The following RFTN2 variants were observed in gnomAD, a reference collection of about 807,000 sequenced individuals.
RFTN2 encodes raftlin-2.
In RFTN2, 34 loss-of-function variants were observed where a neutral mutation model predicts 52.7. That is an observed-to-expected ratio of 0.64 (90% confidence interval 0.49 to 0.86). RFTN2 has a LOEUF of 0.86. RFTN2 is among the 40% of genes least tolerant of loss of function. The pLI is 0.00. For missense variants in RFTN2, 536 were observed against 600.1 expected (o/e 0.89, Z 1.12); for synonymous variants, 203 against 217.7 (o/e 0.93, Z 0.59).
At chr2:197,618,427 G>C (rs1227492506) in intron 5 of RFTN2, among the ~76,000 whole-genome samples, 2 of 151,924 alleles carry the variant, frequency 1.3e-5, no homozygotes, top group Non-Finnish European at 2.9e-5. Flanking sequence ...GCATGATCTC[G>C]GCTCGCTACA....
chr2:197,582,850 C>A (rs2087532316), intron 8 of RFTN2, among the ~76,000 whole-genome samples: 1 of 152,150 alleles, frequency 6.6e-6, no homozygotes, highest in Admixed American at 6.6e-5. Context: ...TCGCTCAGGG[C>A]TATGCTTATG....
At chr2:197,591,142 C>T (rs1475329490) in intron 8 of RFTN2, among the ~76,000 whole-genome samples, 3 of 152,132 alleles carry the variant, frequency 2.0e-5, no homozygotes, top group Non-Finnish European at 4.4e-5. Flanking sequence ...TCCACCTTCC[C>T]CACTAGATTA....
chr2:197,626,523 C>T (rs1350950872), intron 5 of RFTN2, among the ~76,000 whole-genome samples: 2 of 149,178 alleles, frequency 1.3e-5, no homozygotes, highest in Non-Finnish European at 3.0e-5. Context: ...ATGATTGTGC[C>T]CTTGCACTCC....
intron 5 of RFTN2, among the ~76,000 whole-genome samples, chr2:197,627,883 G>GC (rs1010723558): frequency 2.8e-4 from 11 of 38,904 alleles, no homozygotes; most frequent in African/African-American, 6.8e-4. Flanking sequence ...CCGCCCCCCC[G>GC]CCCCCCCGTG....
intron 8 of RFTN2, among the ~76,000 whole-genome samples, chr2:197,585,367 T>C (rs2087580122): frequency 6.6e-6 from 1 of 152,190 alleles, no homozygotes; most frequent in East Asian, 1.9e-4. Flanking sequence ...TTGTTTACAC[T>C]GGTGGTTTAC....
chr2:197,646,715 T>TAAG (rs1261912368), intron 1 of RFTN2, 49 bp from the exon 2 acceptor site: 33 of 1,413,260 alleles, frequency 2.3e-5, no homozygotes, highest in Admixed American at 1.5e-4. Flanking sequence ...AAGATTGAAT[T>TAAG]ATACATTATT....
chr2:197,675,262 AATGACT>A (rs2089200031), intron 1 of RFTN2, 52 bp downstream of exon 1: 3 of 1,359,430 alleles, frequency 2.2e-6, no homozygotes, highest in Non-Finnish European at 3.0e-6. Context: ...AACACTTAAA[AATGACT>A]AGTAGTCTCA....
At chr2:197,595,322 G>T (rs2087778485) in intron 8 of RFTN2, among the ~76,000 whole-genome samples, 1 of 152,252 alleles carries the variant, frequency 6.6e-6, no homozygotes. Context: ...AGGTTCAGTA[G>T]CTGAGAACTA....
In RFTN2 at chr2:197,570,488, G is replaced by A. The variant is rs2087298261; in HGVS notation, c.*1520C>T. On this transcript the variant is annotated 3_prime_UTR_variant, in exon 9 of 9. Transcript: ENST00000295049. ...TCACGCCTGTAATCCCAGCATTTTGGGAGGACAAGGCAGGCAGATCATGAG... is the reference window on the plus strand; with the variant it reads ...TCACGCCTGTAATCCCAGCATTTTGAGAGGACAAGGCAGGCAGATCATGAG... The A allele has an allele frequency of 6.6e-6, 1 of 152,184 alleles. No individual in the cohort carries two copies. The highest frequency in any genetic ancestry group is 2.4e-5 in the African/African-American group (1 of 41,426). 9.4% of individuals were successfully genotyped at this position (152,184 alleles called of 1,614,324 possible).
At chr2:197,631,423 C>T (rs891302623) in intron 4 of RFTN2, among the ~76,000 whole-genome samples, 6 of 152,094 alleles carry the variant, frequency 3.9e-5, no homozygotes, top group African/African-American at 1.4e-4. Flanking sequence ...ATGTGGTATC[C>T]TCTAATTCTA....
At chr2:197,607,354 T>G (rs141767061) in intron 7 of RFTN2, among the ~76,000 whole-genome samples, 34,229 of 151,804 alleles carry the variant, frequency 0.23, 4,078 homozygotes, top group African/African-American at 0.3. Flanking sequence ...GGGGCAGGGA[T>G]AGCATTAGGA....
At chr2:197,667,857 C>A (rs948780231) in intron 1 of RFTN2, among the ~76,000 whole-genome samples, 3 of 152,078 alleles carry the variant, frequency 2.0e-5, no homozygotes, top group African/African-American at 4.8e-5. Context: ...TCTTTGGGAC[C>A]CAGTGAGGCA....
intron 1 of RFTN2, among the ~76,000 whole-genome samples, chr2:197,667,560 C>T (rs999099493): frequency 1.3e-5 from 2 of 152,210 alleles, no homozygotes; most frequent in African/African-American, 4.8e-5. Context: ...GTAACAGCCA[C>T]TTCTTCCAAT....
At chr2:197,611,138 G>C (rs1447909523) in intron 7 of RFTN2, among the ~76,000 whole-genome samples, 1 of 152,084 alleles carries the variant, frequency 6.6e-6, no homozygotes, top group Non-Finnish European at 1.5e-5. Flanking sequence ...AAATGAGTTA[G>C]GGGGGAGTCC....
intron 3 of RFTN2, among the ~76,000 whole-genome samples, chr2:197,637,588 C>A (rs2088590073): frequency 6.6e-6 from 1 of 151,810 alleles, no homozygotes; most frequent in South Asian, 2.1e-4. Flanking sequence ...GTGGTGATAT[C>A]CCCTTTATCA....
intron 1 of RFTN2, among the ~76,000 whole-genome samples, chr2:197,649,302 A>G (rs1034561145): frequency 9.2e-5 from 14 of 152,214 alleles, no homozygotes; most frequent in African/African-American, 3.4e-4. Flanking sequence ...TATTTACTTC[A>G]GGAGTCTCTA....
intron 1 of RFTN2, among the ~76,000 whole-genome samples, chr2:197,666,040 T>G (rs1172318512): frequency 2.0e-5 from 3 of 152,178 alleles, no homozygotes; most frequent in Non-Finnish European, 4.4e-5. Flanking sequence ...GGACTAGTGG[T>G]TGTGAATCCC....
chr2:197,625,824 G>A (rs1183743696), intron 5 of RFTN2, among the ~76,000 whole-genome samples: 1 of 149,144 alleles, frequency 6.7e-6, no homozygotes, highest in East Asian at 2.0e-4. Context: ...CTGTTGCCCA[G>A]GCTGCACTGC....
chr2:197,580,941 C>T (rs1268285179), intron 8 of RFTN2, among the ~76,000 whole-genome samples: 4 of 152,180 alleles, frequency 2.6e-5, no homozygotes, highest in African/African-American at 9.7e-5. Flanking sequence ...CATCTCATTG[C>T]TGCCCTTCGT....
Sources: allele counts gnomAD v4.1 joint callset (sites outside exome capture counted in the v4.1 genomes callset), GRCh38; gene constraint gnomAD v4.1.1; transcripts MANE v1.5; gene names NCBI Gene and HGNC (gene_info 2026-07-23, HGNC 2026-07-21).